The following COL15A1 variants were observed in gnomAD, a reference collection of about 807,000 sequenced individuals.
COL15A1 encodes collagen alpha-1(XV) chain.
COL15A1 carries 111 observed loss-of-function variants against 165.9 expected under a neutral mutation model. The ratio of observed to expected loss-of-function variants is 0.67; its 90% CI spans 0.57 to 0.78. The LOEUF (loss-of-function observed/expected upper bound fraction) is 0.78, where lower values mean the gene tolerates loss of function less well. COL15A1 is among the 30% of genes least tolerant of loss of function. The probability of loss-of-function intolerance (pLI) is 0.00; values close to 1 mark genes in which losing one functional copy is unlikely to be tolerated. For missense variants in COL15A1, 1,745 were observed against 1,789.7 expected, an observed-to-expected ratio of 0.98 and a Z score of 0.45; for synonymous variants, 659 against 674.8, an observed-to-expected ratio of 0.98 and a Z score of 0.36.
intron 9 of COL15A1, among the ~76,000 whole-genome samples, chr9:99,010,390 A>G (rs1222353549): frequency 6.6e-6 from 1 of 152,234 alleles, no homozygotes; most frequent in Non-Finnish European, 1.5e-5. Flanking sequence ...TATATTTGGA[A>G]GAAGGGGTCA....
intron 32 of COL15A1, among the ~76,000 whole-genome samples, 162 bp downstream of exon 32, chr9:99,054,818 C>G (rs1353835414): frequency 1.3e-5 from 2 of 152,176 alleles, no homozygotes; most frequent in African/African-American, 4.8e-5. Context: ...CCTGGCATGT[C>G]CAATAGGGAA....
intron 7 of COL15A1, 135 bp downstream of exon 7, chr9:99,001,086 C>CCCCGCCACTGCA: frequency 1.5e-6 from 1 of 655,970 alleles, no homozygotes; most frequent in Non-Finnish European, 2.8e-6. Context: ...TTGCTTCTGT[C>CCCCGCCACTGCA]CTCATGGTAC....
In COL15A1 at chr9:99,055,307, G is replaced by A. The variant is rs1362713279; in HGVS notation, c.3127G>A (p.Gly1043Arg). ...GTTCAAAGGTGAAAAAGGAGAAAAA[G>A]GAGACATTAATGGCAGCTTCCTTAT... ...KGFKGEKGEK[G>R]DINGSFLMSG... Residue 1043 changes from glycine to arginine, a missense_variant, in exon 34 of 42, where the codon GGA (glycine) becomes AGA (arginine). Gly to Arg is a moderately radical substitution (Grantham distance 125). Transcript: ENST00000375001. The A allele has an allele frequency of 6.2e-7, 1 of 1,614,078 alleles. No individual in the cohort carries two copies. Among genetic ancestry groups the A allele is most frequent in the South Asian group, 1.1e-5 (1 of 91,090 alleles).
At chr9:99,062,973 A>G in intron 38 of COL15A1, 77 bp from the exon 39 acceptor site, 2 of 1,508,522 alleles carry the variant, frequency 1.3e-6, no homozygotes, top group Non-Finnish European at 1.8e-6. Flanking sequence ...GAAACATTGC[A>G]CTTGCACCTC....
At chr9:99,019,159 C>T (rs1838985687) in intron 11 of COL15A1, among the ~76,000 whole-genome samples, 2 of 152,092 alleles carry the variant, frequency 1.3e-5, no homozygotes, top group Admixed American at 6.6e-5. Context: ...AAGAAGGCAC[C>T]CACCTTGGGA....
At chr9:98,982,672 C>A (rs1014898347) in intron 2 of COL15A1, among the ~76,000 whole-genome samples, 2 of 150,878 alleles carry the variant, frequency 1.3e-5, no homozygotes, top group Non-Finnish European at 3.0e-5. Context: ...GACAGGGTCT[C>A]GCTCTGTCAC....
At chr9:99,026,028 G>C in intron 16 of COL15A1, 62 bp downstream of exon 16, 4 of 1,494,932 alleles carry the variant, frequency 2.7e-6, no homozygotes, top group Non-Finnish European at 3.6e-6. Flanking sequence ...TACTCTCTCT[G>C]ACCCCTAAAC....
At chr9:99,042,002 A>G in intron 23 of COL15A1, 43 bp from the exon 24 acceptor site, 2 of 1,291,120 alleles carry the variant, frequency 1.5e-6, no homozygotes, top group South Asian at 1.3e-5. Context: ...TATGCATTTT[A>G]ATCTTAACGA....
chr9:99,029,857 C>T (rs527781749), intron 16 of COL15A1, among the ~76,000 whole-genome samples: 4 of 150,844 alleles, frequency 2.7e-5, no homozygotes, highest in African/African-American at 7.3e-5. Context: ...CCCGGGAGGC[C>T]GGGGTTGCAG....
At chr9:99,052,862 G>C (rs1428988742) in intron 31 of COL15A1, among the ~76,000 whole-genome samples, 2 of 152,192 alleles carry the variant, frequency 1.3e-5, no homozygotes, top group Non-Finnish European at 2.9e-5. Context: ...GCTGATCAGG[G>C]AAGGGCCGTG....
Position 98,989,213 on chromosome 9 carries a change from C to G in COL15A1, c.759C>G (p.Asp253Glu). ...AGACCAGTGGGCTGCAGGAGGCAGA[C>G]GGAGTAGCTGAGATCTTAGAAGCCG... Reference protein sequence around the residue: ...SGETSGLQEADGVAEILEAVT... With the variant: ...SGETSGLQEAEGVAEILEAVT... The change falls in exon 5 of 42, where the codon GAC becomes GAG. Residue 253 changes from aspartate (D) to glutamate (E), a missense_variant. Physicochemically the swap from Asp to Glu is conservative, Grantham distance 45 (BLOSUM62 2). Coordinates refer to ENST00000375001, the MANE Select transcript of COL15A1 (RefSeq NM_001855.5). 1 of 1,614,102 alleles carries G rather than the reference C, an allele frequency of 6.2e-7. No individual in the cohort carries two copies. Among genetic ancestry groups the G allele is most frequent in the Non-Finnish European group, 8.5e-7 (1 of 1,179,978 alleles).
chr9:99,046,563 T>C (rs79534445), intron 26 of COL15A1, among the ~76,000 whole-genome samples: 1,568 of 152,310 alleles, frequency 0.01, 22 homozygotes, highest in African/African-American at 0.036. Flanking sequence ...AAACTTACAA[T>C]TGTGGTGGGA....
At chr9:98,944,326 G>C (rs974656470) in intron 2 of COL15A1, 76 bp downstream of exon 2, 29 of 1,361,064 alleles carry the variant, frequency 2.1e-5, no homozygotes, top group Middle Eastern at 1.9e-4. Context: ...GGCGGACGCG[G>C]CTGCGATGCG....
At chr9:99,038,407 T>C (rs1839342137) in intron 21 of COL15A1, among the ~76,000 whole-genome samples, 1 of 152,198 alleles carries the variant, frequency 6.6e-6, no homozygotes, top group South Asian at 2.1e-4. Flanking sequence ...ATATAATATG[T>C]ATATGTTTAA....
Position 99,066,863 on chromosome 9 carries a change from T to C in COL15A1, c.3652-19T>C. 3.7e-6 allele frequency: 6 copies of C among 1,605,588 alleles called. No homozygotes were observed. Among genetic ancestry groups the C allele is most frequent in the Non-Finnish European group, 5.1e-6 (6 of 1,175,728 alleles). ...TTGCCTTTGATTCTGACTGCTCTCT[T>C]TTGTCTCACATTTTTCAGCTGCATT... On this transcript the variant is annotated intron_variant, in intron 39 of 41. Coordinates refer to ENST00000375001, the MANE Select transcript of COL15A1 (RefSeq NM_001855.5).
intron 16 of COL15A1, among the ~76,000 whole-genome samples, chr9:99,032,544 A>C (rs932419423): frequency 2.6e-5 from 4 of 151,992 alleles, no homozygotes; most frequent in African/African-American, 9.7e-5. Context: ...TACTCTATGG[A>C]CTTTTTTTGG....
At chr9:98,990,354 A>C (rs1473958986) in intron 5 of COL15A1, among the ~76,000 whole-genome samples, 6 of 152,208 alleles carry the variant, frequency 3.9e-5, no homozygotes, top group Admixed American at 3.9e-4. Flanking sequence ...GCAAAAGTCC[A>C]TCCCAAGGAT....
chr9:99,039,030 G>T (rs1379806927), intron 22 of COL15A1, among the ~76,000 whole-genome samples: 1 of 152,150 alleles, frequency 6.6e-6, no homozygotes, highest in Non-Finnish European at 1.5e-5. Flanking sequence ...CTTTTGGCCT[G>T]CTTTTATTTA....
intron 6 of COL15A1, among the ~76,000 whole-genome samples, chr9:98,999,236 G>GCTGACCTGGCTTCAGGGCC (rs977827250): frequency 6.6e-6 from 1 of 152,258 alleles, no homozygotes; most frequent in African/African-American, 2.4e-5. Flanking sequence ...CCGGGGACAG[G>GCTGACCTGGCTTCAGGGCC]CTGACCTGGC....
Sources: gnomAD v4.1 joint callset for allele counts (sites outside exome capture counted in the v4.1 genomes callset) on GRCh38, gnomAD v4.1.1 for gene constraint, MANE v1.5 for transcripts, NCBI Gene and HGNC (gene_info 2026-07-23, HGNC 2026-07-21) for gene names.